The following SRRM1 variants were observed in gnomAD, a reference collection of about 807,000 sequenced individuals.
The protein encoded by SRRM1 is serine and arginine repetitive matrix 1, also known as serine/arginine repetitive matrix protein 1.
A neutral mutation model predicts 110.2 loss-of-function variants in SRRM1; 19 were observed. The ratio of observed to expected loss-of-function variants is 0.17; its 90% CI spans 0.12 to 0.25. The LOEUF (loss-of-function observed/expected upper bound fraction) is 0.25. Among genes scored for constraint, SRRM1 ranks in the 10% least tolerant of loss-of-function variants. SRRM1 has a pLI of 1.00. For synonymous variants in SRRM1, 443 were observed against 414.9 expected (o/e 1.07, Z -0.82); for missense variants, 918 against 1,145.8 (o/e 0.80, Z 2.87).
intron 12 of SRRM1, among the ~76,000 whole-genome samples, chr1:24,665,515 C>T (rs1669534620): frequency 6.6e-6 from 1 of 151,812 alleles, no homozygotes; most frequent in African/African-American, 2.4e-5. Context: ...AGATAAAGAC[C>T]ATCCTGGCTA....
intron 13 of SRRM1, among the ~76,000 whole-genome samples, chr1:24,668,755 G>A (rs954093580): frequency 6.6e-6 from 1 of 152,080 alleles, no homozygotes; most frequent in African/African-American, 2.4e-5. Flanking sequence ...ACAGTTACTT[G>A]GTTATTATAT....
chr1:24,645,063 A>G (rs578169706), intron 1 of SRRM1, among the ~76,000 whole-genome samples: 1 of 152,326 alleles, frequency 6.6e-6, no homozygotes, highest in African/African-American at 2.4e-5. Flanking sequence ...TATAGAAGTT[A>G]TATCTTCCAT....
chr1:24,660,904 T>TTAAG (rs1557709066), intron 10 of SRRM1, 105 bp downstream of exon 10: 1 of 748,070 alleles, frequency 1.3e-6, no homozygotes. Flanking sequence ...TGCTTGAAGA[T>TTAAG]TAAGTATAGG....
intron 1 of SRRM1, among the ~76,000 whole-genome samples, chr1:24,644,105 T>C (rs894006096): frequency 2.0e-5 from 3 of 152,186 alleles, no homozygotes; most frequent in Non-Finnish European, 4.4e-5. Flanking sequence ...CATCGTGTTT[T>C]ACTCTTGGAG....
intron 1 of SRRM1, chr1:24,643,702 C>G (rs565858734): frequency 4.7e-5 from 15 of 320,232 alleles, no homozygotes; most frequent in South Asian, 3.4e-4. Context: ...AGGAGGAAGT[C>G]CCGAGTGGGA....
intron 1 of SRRM1, among the ~76,000 whole-genome samples, chr1:24,643,949 G>A (rs1408929417): frequency 6.6e-6 from 1 of 152,184 alleles, no homozygotes; most frequent in African/African-American, 2.4e-5. Flanking sequence ...CCTTCAGGGA[G>A]GGGGACGTAG....
chr1:24,660,875 A>C (rs934256747), intron 10 of SRRM1, 76 bp downstream of exon 10: 2 of 1,058,034 alleles, frequency 1.9e-6, no homozygotes, highest in Non-Finnish European at 2.8e-6. Flanking sequence ...GATTTTTTGC[A>C]CATTTGGTCA....
At chr1:24,654,412 T>G in intron 8 of SRRM1, 1 of 1,163,396 alleles carries the variant, frequency 8.6e-7, no homozygotes, top group Non-Finnish European at 1.1e-6. Context: ...TGCTTCTAAG[T>G]TTATGTAGCT....
At chr1:24,649,070 T>C (rs1659050428) in intron 4 of SRRM1, 41 bp downstream of exon 4, 1 of 1,583,704 alleles carries the variant, frequency 6.3e-7, no homozygotes, top group African/African-American at 1.4e-5. Flanking sequence ...TTTGAGAGTA[T>C]TGGCCAGGCT....
At chr1:24,653,149 C>T in intron 8 of SRRM1, 117 bp downstream of exon 8, 1 of 979,454 alleles carries the variant, frequency 1.0e-6, no homozygotes, top group Non-Finnish European at 1.5e-6. Flanking sequence ...TGATATTAGA[C>T]AATGTCTTCT....
chr1:24,652,741 T>G, intron 7 of SRRM1, 113 bp downstream of exon 7: 1 of 1,307,626 alleles, frequency 7.6e-7, no homozygotes, highest in South Asian at 1.6e-5. Flanking sequence ...CAAATATTTT[T>G]TGAATGTACA....
chr1:24,664,002 T>C (rs1227384801), intron 12 of SRRM1, among the ~76,000 whole-genome samples: 62 of 139,814 alleles, frequency 4.4e-4, no homozygotes, highest in Non-Finnish European at 8.4e-4. Context: ...TTTTTTTTTT[T>C]TTTTTTTTGT....
chr1:24,656,758 G>C (rs1479836061), intron 9 of SRRM1, among the ~76,000 whole-genome samples: 1 of 152,132 alleles, frequency 6.6e-6, no homozygotes, highest in Non-Finnish European at 1.5e-5. Context: ...TAGCCTAAGA[G>C]TTGCAAAAGT....
At chr1:24,661,193 G>T in intron 10 of SRRM1, 117 bp from the exon 11 acceptor site, 2 of 638,528 alleles carry the variant, frequency 3.1e-6, no homozygotes. Context: ...AAAATATATA[G>T]TAGTTGTATT....
At chr1:24,662,830 C>T in intron 12 of SRRM1, 26 bp downstream of exon 12, 2 of 1,609,992 alleles carry the variant, frequency 1.2e-6, no homozygotes, top group Non-Finnish European at 1.7e-6. Context: ...CAGTGATGTT[C>T]ACTGATGTTC....
At chr1:24,646,344 G>A (rs1327146079) in intron 2 of SRRM1, among the ~76,000 whole-genome samples, 2 of 152,022 alleles carry the variant, frequency 1.3e-5, no homozygotes, top group Non-Finnish European at 2.9e-5. Context: ...TGGCTAACAC[G>A]GTGAAACCCT....
chr1:24,669,832 C>T (rs1256738932), intron 14 of SRRM1: 1 of 560,144 alleles, frequency 1.8e-6, no homozygotes, highest in East Asian at 3.0e-5. Context: ...GCTTCCAAAA[C>T]TAAACTTGAG....
intron 1 of SRRM1, 145 bp downstream of exon 1, chr1:24,643,492 C>CCG: frequency 3.5e-6 from 2 of 578,452 alleles, no homozygotes; most frequent in South Asian, 4.2e-5. Flanking sequence ...ACCCCCCCCC[C>CCG]CCCCGTGCGC....
intron 9 of SRRM1, among the ~76,000 whole-genome samples, chr1:24,659,800 T>G (rs1666212265): frequency 6.6e-6 from 1 of 152,194 alleles, no homozygotes; most frequent in South Asian, 2.1e-4. Context: ...AGTTACCATA[T>G]TTCTATGTTA....
Sources: gnomAD v4.1 joint callset for allele counts (sites outside exome capture counted in the v4.1 genomes callset) on GRCh38, gnomAD v4.1.1 for gene constraint, MANE v1.5 for transcripts, NCBI Gene and HGNC (gene_info 2026-07-23, HGNC 2026-07-21) for gene names.